Variants in FGD4 observed in about 807,000 individuals in gnomAD.
FGD4 encodes the protein FYVE, RhoGEF and PH domain containing 4.
In FGD4, 42 loss-of-function variants were observed where a neutral mutation model predicts 102.0. The observed-to-expected ratio is 0.41, with a 90% CI of 0.32 to 0.53. The LOEUF (loss-of-function observed/expected upper bound fraction) is 0.53, where lower values mean the gene tolerates loss of function less well. Ranked by LOEUF, FGD4 falls within the 20% of genes least tolerant of loss-of-function variation. The probability of loss-of-function intolerance (pLI) is 0.21; values close to 1 mark genes in which losing one functional copy is unlikely to be tolerated. For synonymous variants in FGD4, 380 were observed against 375.7 expected (o/e 1.01, Z -0.13); for missense variants, 902 against 1,078.2 (o/e 0.84, Z 2.29).
At chr12:32,638,908 A>G (rs1478159479) in intron 16 of FGD4, 113 bp downstream of exon 16, 8 of 1,549,094 alleles carry the variant, frequency 5.2e-6, no homozygotes, top group Non-Finnish European at 6.9e-6. Context: ...TCACTGTTTC[A>G]TTAAAATTGA....
chr12:32,546,828 G>A (rs1248832148), intron 1 of FGD4, among the ~76,000 whole-genome samples: 1 of 152,256 alleles, frequency 6.6e-6, no homozygotes, highest in East Asian at 1.9e-4. Context: ...AAGGTCAGGA[G>A]TGTGCAGAGC....
intron 1 of FGD4, among the ~76,000 whole-genome samples, chr12:32,410,134 C>CCTGATTGAGATTGAGATTGAGAT (rs1941138152): frequency 1.3e-5 from 2 of 152,082 alleles, no homozygotes; most frequent in Non-Finnish European, 1.5e-5. Context: ...TGAGACCATC[C>CCTGATTGAGATTGAGATTGAGAT]TGGTTAACAG....
chr12:32,548,764 G>A (rs551886286), intron 1 of FGD4, among the ~76,000 whole-genome samples: 28 of 152,286 alleles, frequency 1.8e-4, no homozygotes, highest in Non-Finnish European at 4.0e-4. Context: ...GGCATCCTGG[G>A]TCCTGCCCTA....
intron 1 of FGD4, among the ~76,000 whole-genome samples, chr12:32,501,151 A>G (rs927522141): frequency 6.6e-6 from 1 of 152,222 alleles, no homozygotes; most frequent in Non-Finnish European, 1.5e-5. Flanking sequence ...TCCTGGGCCC[A>G]AGCAATCCTC....
intron 1 of FGD4, among the ~76,000 whole-genome samples, chr12:32,412,899 A>ATTTTT (rs869107334): frequency 0.012 from 1,080 of 86,950 alleles, 104 homozygotes; most frequent in African/African-American, 0.052. Flanking sequence ...TTTTCTAGAA[A>ATTTTT]TTTTTTTTTT....
chr12:32,570,597 A>G (rs2136327855), intron 2 of FGD4, among the ~76,000 whole-genome samples: 1 of 151,966 alleles, frequency 6.6e-6, no homozygotes, highest in African/African-American at 2.4e-5. Context: ...ATGTGCCACC[A>G]CGCCCGGCTA....
chr12:32,403,974 TC>T (rs764193619), intron 1 of FGD4, among the ~76,000 whole-genome samples: 2 of 152,208 alleles, frequency 1.3e-5, no homozygotes, highest in South Asian at 4.2e-4. Context: ...GGCCAAAACT[TC>T]CGTCCCCTGA....
At chr12:32,549,037 A>C (rs1192956411) in intron 1 of FGD4, among the ~76,000 whole-genome samples, 1 of 152,228 alleles carries the variant, frequency 6.6e-6, no homozygotes, top group Non-Finnish European at 1.5e-5. Flanking sequence ...TCCAAGATAT[A>C]CTAGCTCTAT....
At chr12:32,470,463 C>CTTTTTTTTTTTTT (rs551854980) in intron 1 of FGD4, among the ~76,000 whole-genome samples, 86 of 130,770 alleles carry the variant, frequency 6.6e-4, no homozygotes, top group Middle Eastern at 3.8e-3. Context: ...TTTTCTTTTT[C>CTTTTTTTTTTTTT]TTTTTTTTTT....
chr12:32,464,535 A>G (rs1350162329), intron 1 of FGD4, among the ~76,000 whole-genome samples: 7 of 152,230 alleles, frequency 4.6e-5, no homozygotes, highest in Non-Finnish European at 7.3e-5. Context: ...ACAAATGCAC[A>G]TAGGGTATTT....
At chr12:32,510,668 G>A (rs974593187) in intron 1 of FGD4, among the ~76,000 whole-genome samples, 2 of 152,106 alleles carry the variant, frequency 1.3e-5, no homozygotes, top group Non-Finnish European at 2.9e-5. Flanking sequence ...AGAACTTAAG[G>A]ATGAATTTCC....
chr12:32,608,207 T>G, intron 8 of FGD4, 112 bp downstream of exon 8: 1 of 1,411,946 alleles, frequency 7.1e-7, no homozygotes, highest in South Asian at 1.2e-5. Flanking sequence ...AATGTTGCTG[T>G]TAGAAGATAA....
intron 1 of FGD4, among the ~76,000 whole-genome samples, chr12:32,405,485 C>A (rs1940896283): frequency 6.8e-6 from 1 of 147,796 alleles, no homozygotes; most frequent in African/African-American, 2.5e-5. Context: ...TCTCGAACTC[C>A]CGACCTCAGG....
At chr12:32,538,941 C>A (rs1942553660) in intron 1 of FGD4, among the ~76,000 whole-genome samples, 1 of 152,090 alleles carries the variant, frequency 6.6e-6, no homozygotes, top group African/African-American at 2.4e-5. Context: ...GTAGTCCCAT[C>A]TACTCAGTAG....
At chr12:32,593,251 TGTTA>T (rs1240840022) in intron 4 of FGD4, among the ~76,000 whole-genome samples, 1 of 152,132 alleles carries the variant, frequency 6.6e-6, no homozygotes, top group Non-Finnish European at 1.5e-5. Flanking sequence ...AGTGAATAAG[TGTTA>T]GTTTTTGTTA....
intron 1 of FGD4, among the ~76,000 whole-genome samples, chr12:32,536,066 C>T (rs112280440): frequency 0.022 from 3,262 of 151,566 alleles, 112 homozygotes; most frequent in African/African-American, 0.074. Flanking sequence ...ATTTAGTGCA[C>T]ATGTTATTTT....
intron 3 of FGD4, among the ~76,000 whole-genome samples, chr12:32,579,109 C>T (rs1258052491): frequency 1.5e-5 from 2 of 132,648 alleles, no homozygotes; most frequent in African/African-American, 2.9e-5. Flanking sequence ...GGCAATGGCA[C>T]GATCTCAGCT....
intron 1 of FGD4, among the ~76,000 whole-genome samples, chr12:32,469,997 AT>A (rs1226744092): frequency 6.6e-6 from 1 of 152,094 alleles, no homozygotes; most frequent in Non-Finnish European, 1.5e-5. Flanking sequence ...GGTTGATAAT[AT>A]TTTATTTAAA....
chr12:32,628,228 T>A (rs972098882), intron 14 of FGD4, among the ~76,000 whole-genome samples: 4 of 152,064 alleles, frequency 2.6e-5, no homozygotes, highest in African/African-American at 9.7e-5. Context: ...GATAAGGAGA[T>A]GCTAACTCAG....
Sources: gnomAD v4.1 joint callset for allele counts (sites outside exome capture counted in the v4.1 genomes callset) on GRCh38, gnomAD v4.1.1 for gene constraint, MANE v1.5 for transcripts, NCBI Gene and HGNC (gene_info 2026-07-23, HGNC 2026-07-21) for gene names.